The following BRINP1 variants were observed in gnomAD, a reference collection of about 807,000 sequenced individuals.
The protein encoded by BRINP1 is BMP/retinoic acid-inducible neural-specific protein 1.
A neutral mutation model predicts 72.9 loss-of-function variants in BRINP1; 17 were observed. The ratio of observed to expected loss-of-function variants is 0.23; its 90% CI spans 0.16 to 0.35. BRINP1 has a LOEUF of 0.35. Among genes scored for constraint, BRINP1 ranks in the 10% least tolerant of loss-of-function variants. BRINP1 has a pLI of 1.00. For synonymous variants in BRINP1, 418 were observed against 378.5 expected (o/e 1.10, Z -1.21); for missense variants, 850 against 1,001.6 (o/e 0.85, Z 2.04).
intron 1 of BRINP1, among the ~76,000 whole-genome samples, chr9:119,335,935 C>T (rs530715486): frequency 1.1e-4 from 16 of 152,264 alleles, no homozygotes; most frequent in African/African-American, 3.6e-4. Context: ...CCTTGAGAAC[C>T]ACTAAGATTT....
At chr9:119,272,624 G>C (rs976963123) in intron 2 of BRINP1, among the ~76,000 whole-genome samples, 1 of 152,170 alleles carries the variant, frequency 6.6e-6, no homozygotes, top group African/African-American at 2.4e-5. Context: ...AGTGAGGTCA[G>C]GAGAAGGGGA....
At chr9:119,280,018 G>A (rs1427946014) in intron 2 of BRINP1, among the ~76,000 whole-genome samples, 1 of 151,876 alleles carries the variant, frequency 6.6e-6, no homozygotes, top group African/African-American at 2.4e-5. Flanking sequence ...AACATCTTTT[G>A]TTATAATTTG....
chr9:119,359,587 T>C (rs1160238865), intron 1 of BRINP1, among the ~76,000 whole-genome samples: 1 of 152,144 alleles, frequency 6.6e-6, no homozygotes, highest in Non-Finnish European at 1.5e-5. Flanking sequence ...ATCAAATAGC[T>C]AGTAAGTGGC....
At chr9:119,284,257 A>G (rs1446015747) in intron 2 of BRINP1, among the ~76,000 whole-genome samples, 1 of 152,160 alleles carries the variant, frequency 6.6e-6, no homozygotes, top group Admixed American at 6.5e-5. Flanking sequence ...ATTCCATACT[A>G]TCCAGAGACT....
chr9:119,356,162 G>A (rs957450880), intron 1 of BRINP1, among the ~76,000 whole-genome samples: 1 of 151,928 alleles, frequency 6.6e-6, no homozygotes, highest in African/African-American at 2.4e-5. Context: ...AAAATGTTAT[G>A]CTTGCTGTCT....
chr9:119,359,087 C>G (rs146262368), intron 1 of BRINP1, among the ~76,000 whole-genome samples: 227 of 152,332 alleles, frequency 1.5e-3, no homozygotes, highest in African/African-American at 5.2e-3. Flanking sequence ...TCATAAAAGG[C>G]AGTAACAGTT....
intron 1 of BRINP1, among the ~76,000 whole-genome samples, chr9:119,352,344 A>C (rs765677536): frequency 5.3e-5 from 8 of 152,264 alleles, no homozygotes; most frequent in East Asian, 1.9e-4. Context: ...TTGAATTGGG[A>C]AAGATGGTGG....
intron 5 of BRINP1, among the ~76,000 whole-genome samples, chr9:119,231,178 A>C (rs1279450821): frequency 1.3e-5 from 2 of 152,114 alleles, no homozygotes; most frequent in Non-Finnish European, 2.9e-5. Context: ...CATACAATTT[A>C]AAATCTATGA....
At chr9:119,316,954 G>A (rs1831131084) in intron 1 of BRINP1, among the ~76,000 whole-genome samples, 1 of 149,118 alleles carries the variant, frequency 6.7e-6, no homozygotes, top group South Asian at 2.1e-4. Flanking sequence ...AGCTGGGCAT[G>A]GTGGTGCGCA....
intron 5 of BRINP1, among the ~76,000 whole-genome samples, chr9:119,215,480 C>T (rs551671224): frequency 6.6e-6 from 1 of 152,264 alleles, no homozygotes; most frequent in South Asian, 2.1e-4. Flanking sequence ...GGTAATGGTT[C>T]TACTACTCAC....
intron 2 of BRINP1, among the ~76,000 whole-genome samples, chr9:119,270,379 C>T (rs1038622129): frequency 2.6e-5 from 4 of 152,188 alleles, no homozygotes; most frequent in South Asian, 2.1e-4. Context: ...TGGACAGGCA[C>T]GCTTAAAAGC....
intron 5 of BRINP1, among the ~76,000 whole-genome samples, chr9:119,225,931 GT>G (rs1298157710): frequency 6.6e-6 from 1 of 152,178 alleles, no homozygotes. Flanking sequence ...CGATTCGACA[GT>G]TCAAATAACT....
chr9:119,348,153 C>G (rs1214401790), intron 1 of BRINP1, among the ~76,000 whole-genome samples: 1 of 152,210 alleles, frequency 6.6e-6, no homozygotes, highest in African/African-American at 2.4e-5. Context: ...CCCTTGATAA[C>G]TACTGATCTT....
At chr9:119,232,190 C>G (rs1286886391) in intron 5 of BRINP1, among the ~76,000 whole-genome samples, 1 of 152,110 alleles carries the variant, frequency 6.6e-6, no homozygotes, top group East Asian at 1.9e-4. Context: ...CTTTTGAGTT[C>G]ATTACCAAAT....
At chr9:119,199,382 C>T (rs547828698) in intron 7 of BRINP1, among the ~76,000 whole-genome samples, 1 of 152,050 alleles carries the variant, frequency 6.6e-6, no homozygotes, top group Non-Finnish European at 1.5e-5. Context: ...CTATAGACAC[C>T]AATTAAACAC....
intron 1 of BRINP1, among the ~76,000 whole-genome samples, chr9:119,367,712 G>C (rs1367154630): frequency 6.6e-6 from 1 of 152,196 alleles, no homozygotes; most frequent in Non-Finnish European, 1.5e-5. Flanking sequence ...AGAGACGCGA[G>C]GTGCAAACCG....
chr9:119,309,936 A>G (rs1330102191), intron 2 of BRINP1, among the ~76,000 whole-genome samples: 2 of 152,280 alleles, frequency 1.3e-5, no homozygotes, highest in East Asian at 3.9e-4. Context: ...CAATAAATGT[A>G]TGAGTGAGTG....
chr9:119,261,777 C>A (rs1474517317), intron 2 of BRINP1, among the ~76,000 whole-genome samples: 1 of 150,244 alleles, frequency 6.7e-6, no homozygotes, highest in Non-Finnish European at 1.5e-5. Flanking sequence ...TTCCTTCTTT[C>A]CTTCCTTCCT....
At chr9:119,224,929 C>T (rs531396343) in intron 5 of BRINP1, among the ~76,000 whole-genome samples, 79 of 152,020 alleles carry the variant, frequency 5.2e-4, no homozygotes, top group African/African-American at 1.7e-3. Flanking sequence ...TTAGAGGAAA[C>T]GAACAATAAT....
Sources: allele counts gnomAD v4.1 joint callset (sites outside exome capture counted in the v4.1 genomes callset), GRCh38; gene constraint gnomAD v4.1.1; transcripts MANE v1.5; gene names NCBI Gene and HGNC (gene_info 2026-07-23, HGNC 2026-07-21).